CACNA1D: variants seen among roughly 807,000 people sequenced by gnomAD.
CACNA1D encodes the protein calcium voltage-gated channel subunit alpha1 D, also known as voltage-dependent L-type calcium channel subunit alpha-1D.
A neutral mutation model predicts 257.1 loss-of-function variants in CACNA1D; 55 were observed. That is an observed-to-expected ratio of 0.21 (90% CI 0.17 to 0.27). CACNA1D has a LOEUF of 0.27. Among genes scored for constraint, CACNA1D ranks in the 10% least tolerant of loss-of-function variants. The pLI, the probability that CACNA1D is intolerant of heterozygous loss-of-function variation, is 1.00. For missense variants in CACNA1D, 1,876 were observed against 2,784.0 expected (o/e 0.67, Z 7.34); for synonymous variants, 980 against 1,014.9 (o/e 0.97, Z 0.65).
At chr3:53,671,138 G>C (rs191258948) in intron 7 of CACNA1D, among the ~76,000 whole-genome samples, 2 of 152,264 alleles carry the variant, frequency 1.3e-5, no homozygotes, top group East Asian at 3.9e-4. Flanking sequence ...AAATTAAAAG[G>C]GTTTTAAATT....
chr3:53,734,970 T>A lies in CACNA1D; in HGVS notation c.2622-404T>A, dbSNP rs923246733. On this transcript the variant is annotated intron_variant, in intron 19 of 47. Transcript: ENST00000350061. ...AGTTTCCTCTCTCAGTCAGGGAAGATAAACAGATGAGTTTCTTGTCATAGT... is the reference window on the plus strand; with the variant it reads ...AGTTTCCTCTCTCAGTCAGGGAAGAAAAACAGATGAGTTTCTTGTCATAGT... Among the ~76,000 whole-genome samples, 3 of 152,148 alleles carry A rather than the reference T, an allele frequency of 2.0e-5. No individual in the cohort carries two copies. In the South Asian group the frequency reaches 6.2e-4, roughly 32 times the overall value.
intron 3 of CACNA1D, among the ~76,000 whole-genome samples, chr3:53,537,215 T>C (rs1415277434): frequency 6.6e-6 from 1 of 152,190 alleles, no homozygotes; most frequent in Non-Finnish European, 1.5e-5. Flanking sequence ...ATATATTCTT[T>C]TCAAAAGCTT....
intron 3 of CACNA1D, among the ~76,000 whole-genome samples, chr3:53,509,049 AGTCCT>A (rs1268811012): frequency 6.6e-6 from 1 of 152,186 alleles, no homozygotes; most frequent in Non-Finnish European, 1.5e-5. Flanking sequence ...GTGGTCCTCA[AGTCCT>A]GTCTGCTCAT....
At chr3:53,526,163 G>A (rs78833736) in intron 3 of CACNA1D, among the ~76,000 whole-genome samples, 1,668 of 152,318 alleles carry the variant, frequency 0.011, 19 homozygotes, top group African/African-American at 0.038. Flanking sequence ...GGAACCAGTT[G>A]CAAGGCCAGG....
intron 9 of CACNA1D, among the ~76,000 whole-genome samples, chr3:53,710,690 A>G (rs114347238): frequency 0.011 from 1,622 of 148,282 alleles, 22 homozygotes; most frequent in African/African-American, 0.038. Context: ...ACTGTACCTT[A>G]TAAAGAAGCA....
intron 8 of CACNA1D, among the ~76,000 whole-genome samples, chr3:53,675,946 G>A (rs2094371876): frequency 6.6e-6 from 1 of 152,156 alleles, no homozygotes; most frequent in South Asian, 2.1e-4. Flanking sequence ...CTCCGGTAGG[G>A]CTGGTTTGGG....
rs75108570 is a variant in CACNA1D, at chr3:53,545,637, G to T, written c.483+43917G>T. On this transcript the variant is annotated intron_variant, in intron 3 of 47. Transcript: ENST00000350061. ...TAAATGAAAACAAAGTAATTTGGGG[G>T]TCAGGGAAAGACGAAAGGGCTTGTG... Among the ~76,000 whole-genome samples, 486 of 152,290 alleles carry T rather than the reference G, an allele frequency of 3.2e-3. 3 individuals carry two copies. Among genetic ancestry groups the T allele is most frequent in the African/African-American group, 0.011 (439 of 41,568 alleles).
intron 3 of CACNA1D, among the ~76,000 whole-genome samples, chr3:53,563,501 G>A (rs1575883178): frequency 6.7e-6 from 1 of 149,618 alleles, no homozygotes; most frequent in African/African-American, 2.5e-5. Flanking sequence ...TCCAGCCTGG[G>A]TGACAGCCTG....
chr3:53,504,374 G>A (rs186385148), intron 3 of CACNA1D, among the ~76,000 whole-genome samples: 2 of 152,128 alleles, frequency 1.3e-5, no homozygotes, highest in East Asian at 1.9e-4. Flanking sequence ...CTTTTTTTGG[G>A]GAAGAAACGT....
At chr3:53,524,216 T>G (rs1312443539) in intron 3 of CACNA1D, among the ~76,000 whole-genome samples, 1 of 152,184 alleles carries the variant, frequency 6.6e-6, no homozygotes, top group African/African-American at 2.4e-5. Context: ...TAAGGGTTAC[T>G]TTTTCCTGAA....
At chr3:53,729,503 T>G (rs568150761) in intron 15 of CACNA1D, among the ~76,000 whole-genome samples, 1 of 152,194 alleles carries the variant, frequency 6.6e-6, no homozygotes, top group Non-Finnish European at 1.5e-5. Flanking sequence ...GAAGGGGGCC[T>G]TCTCACTTAT....
intron 3 of CACNA1D, among the ~76,000 whole-genome samples, chr3:53,582,381 G>A (rs561862034): frequency 2.0e-5 from 3 of 152,264 alleles, no homozygotes; most frequent in African/African-American, 7.2e-5. Context: ...TTTATAAAGT[G>A]GCCAGTGACC....
At chr3:53,668,356 G>A (rs2094289820) in intron 7 of CACNA1D, among the ~76,000 whole-genome samples, 1 of 151,990 alleles carries the variant, frequency 6.6e-6, no homozygotes. Context: ...GGAACTTCAG[G>A]CTCCTAGAAG....
rs2094186737 is a variant in CACNA1D at position 53,659,928 on chromosome 3, A to G, written c.624-205A>G. 1.3e-5 allele frequency among the ~76,000 whole-genome samples: 2 copies of G among 152,190 alleles called. 1 individual carries two copies. The highest frequency in any genetic ancestry group is 4.1e-4 in the South Asian group (2 of 4,826). ...TGTTGCTCCATTGCGGTAAAAACAG[A>G]TGAGGTTAATCCCTGTCCCAATCAT... On this transcript the variant is annotated intron_variant, in intron 4 of 47. Coordinates refer to ENST00000350061, the MANE Select transcript of CACNA1D (RefSeq NM_001128840.3).
chr3:53,502,760 C>T (rs766765790), intron 3 of CACNA1D, among the ~76,000 whole-genome samples: 12 of 152,080 alleles, frequency 7.9e-5, no homozygotes, highest in Non-Finnish European at 1.8e-4. Flanking sequence ...ATTCAGAAGC[C>T]ATTTCAGGAT....
At chr3:53,577,735 A>C (rs927855872) in intron 3 of CACNA1D, among the ~76,000 whole-genome samples, 1 of 152,164 alleles carries the variant, frequency 6.6e-6, no homozygotes, top group South Asian at 2.1e-4. Flanking sequence ...GCTGTGAGGC[A>C]ATGCAGGCAG....
chr3:53,694,762 C>A (rs2094558646), intron 8 of CACNA1D, among the ~76,000 whole-genome samples: 1 of 152,120 alleles, frequency 6.6e-6, no homozygotes, highest in Non-Finnish European at 1.5e-5. Flanking sequence ...GCTGTTTTGC[C>A]AAAACCCAGG....
chr3:53,781,779 C>A, intron 39 of CACNA1D, 112 bp downstream of exon 39: 1 of 782,810 alleles, frequency 1.3e-6, no homozygotes. Context: ...TCATTTAGAG[C>A]ATTAAGGCCA....
At chr3:53,748,842 G>C (rs1408958433) in intron 26 of CACNA1D, among the ~76,000 whole-genome samples, 1 of 152,128 alleles carries the variant, frequency 6.6e-6, no homozygotes, top group African/African-American at 2.4e-5. Flanking sequence ...GTTCCGCTAG[G>C]CATAGCTTTA....
Sources: gnomAD v4.1 joint callset for allele counts (sites outside exome capture counted in the v4.1 genomes callset) on GRCh38, gnomAD v4.1.1 for gene constraint, MANE v1.5 for transcripts, NCBI Gene and HGNC (gene_info 2026-07-23, HGNC 2026-07-21) for gene names.